The following GLDN variants were observed in gnomAD, a reference collection of about 807,000 sequenced individuals.
GLDN encodes collomin.
A neutral mutation model predicts 56.5 loss-of-function variants in GLDN; 47 were observed. The observed-to-expected ratio is 0.83, with a 90% CI of 0.66 to 1.06. The LOEUF is 1.06. Among genes scored for constraint, GLDN ranks in the 50% least tolerant of loss-of-function variants. The pLI is 0.00. For missense variants in GLDN, 782 were observed against 714.3 expected (o/e 1.09, Z -1.08); for synonymous variants, 332 against 278.8 (o/e 1.19, Z -1.90).
chr15:51,355,713 C>G (rs2445775), intron 1 of GLDN, among the ~76,000 whole-genome samples: 2 of 147,752 alleles, frequency 1.4e-5, no homozygotes, highest in Non-Finnish European at 3.0e-5. Context: ...TTAGTAGAGA[C>G]GGGGTTTCAC....
Position 51,404,890 on chromosome 15 carries a change from C to T in GLDN, c.*136C>T, listed in dbSNP as rs7168449. 2,035 of 651,318 alleles carry T rather than the reference C, an allele frequency of 3.1e-3. 22 individuals are homozygous for T. The African/African-American group carries it at 0.033, about 11-fold the overall frequency. 40.3% of individuals were successfully genotyped at this position (651,318 alleles called of 1,614,324 possible). A position where few individuals can be genotyped will look rare whatever the true frequency, so the allele number is the denominator to read the frequency against. On this transcript the variant is annotated 3_prime_UTR_variant, in exon 10 of 10. Coordinates refer to ENST00000335449, the MANE Select transcript of GLDN (RefSeq NM_181789.4). ...CAAAAGTGTTTATATGGTCAGTGAG[C>T]CCCGCTTAGTGAAATAGCAACAGAT...
chr15:51,404,245 C>T (rs1164239893), intron 9 of GLDN, 32 bp from the exon 10 acceptor site: 1 of 1,489,932 alleles, frequency 6.7e-7, no homozygotes, highest in East Asian at 2.3e-5. Context: ...AACGGTGATT[C>T]ATGTCTACTT....
rs748464480 is a variant in GLDN at position 51,341,856 on chromosome 15, G to A, written c.172G>A (p.Glu58Lys). Residue 58 changes from glutamate (E) to lysine (K), a missense_variant, in exon 1 of 10, where the codon GAG becomes AAG. By Grantham distance (56) the Glu-to-Lys change is moderately conservative (BLOSUM62 1). Coordinates refer to ENST00000335449, the MANE Select transcript of GLDN (RefSeq NM_181789.4). ...LRALEAQRGREQREDSALRSF... is the reference protein window; with the variant it reads ...LRALEAQRGRKQREDSALRSF... The stretch of plus-strand genomic sequence containing the variant: ...GGCTTTGGAGGCGCAGCGGGGCCGG[G>A]AGCAGCGCGAGGACAGTGCCCTGCG... 3.9e-6 allele frequency: 6 copies of A among 1,533,738 alleles called. No individual in the cohort carries two copies. In the South Asian group the frequency reaches 5.9e-5, roughly 15 times the overall value.
intron 1 of GLDN, among the ~76,000 whole-genome samples, chr15:51,347,153 G>T (rs770839764): frequency 1.1e-4 from 17 of 152,038 alleles, no homozygotes; most frequent in Non-Finnish European, 2.4e-4. Context: ...GTTCCTAAAA[G>T]TTGATTAAAA....
At chr15:51,348,449 C>G (rs2037018331) in intron 1 of GLDN, among the ~76,000 whole-genome samples, 1 of 152,102 alleles carries the variant, frequency 6.6e-6, no homozygotes, top group South Asian at 2.1e-4. Context: ...CCTCCTGCCT[C>G]AGCCTCCTGA....
At chr15:51,385,535 A>C (rs1259761345) in intron 4 of GLDN, 1 of 152,222 alleles carries the variant, frequency 6.6e-6, no homozygotes, top group African/African-American at 2.4e-5. Flanking sequence ...ACGGATAATA[A>C]ATAAGATAAA....
chr15:51,398,123 C>G (rs1465197583), intron 6 of GLDN, among the ~76,000 whole-genome samples: 1 of 152,206 alleles, frequency 6.6e-6, no homozygotes, highest in Non-Finnish European at 1.5e-5. Flanking sequence ...ACTGATACCC[C>G]AAAGAGCTAA....
At chr15:51,409,600 AT>A (rs2038444227), downstream of GLDN, among the ~76,000 whole-genome samples, 7 of 152,224 alleles carry the variant, frequency 4.6e-5, no homozygotes, top group Admixed American at 4.6e-4. Flanking sequence ...GTCTAGCAAC[AT>A]GGCATTGTCA....
intron 4 of GLDN, 116 bp downstream of exon 4, chr15:51,384,008 G>A (rs1178370147): frequency 3.6e-6 from 3 of 833,240 alleles, no homozygotes; most frequent in Non-Finnish European, 6.1e-6. Context: ...CACAGTTTAA[G>A]GCCGGTTTAA....
chr15:51,360,356 C>T (rs2037270177), intron 1 of GLDN: 1 of 152,270 alleles, frequency 6.6e-6, no homozygotes, highest in African/African-American at 2.4e-5. Flanking sequence ...AAAGGACTGC[C>T]CAAACAATAA....
chr15:51,412,128 A>C (rs902098870), downstream of GLDN, among the ~76,000 whole-genome samples: 1 of 152,230 alleles, frequency 6.6e-6, no homozygotes, highest in Non-Finnish European at 1.5e-5. Flanking sequence ...TGGGAAGCCT[A>C]TAAGGTATAG....
Position 51,341,989 on chromosome 15 carries a change from C to G in GLDN, c.305C>G (p.Pro102Arg). ...NKRSHSGEPA[P>R]HIRAESHDML... Reference sequence around the variant, plus strand: ...CGCAGCCACAGCGGCGAGCCCGCGCCGCATATCCGCGCCGAGAGCCATGAC... The same window carrying G: ...CGCAGCCACAGCGGCGAGCCCGCGCGGCATATCCGCGCCGAGAGCCATGAC... The change falls in exon 1 of 10, where the codon CCG becomes CGG. Residue 102 changes from proline (P) to arginine (R), a missense_variant. Transcript: ENST00000335449. The G allele has an allele frequency of 6.3e-7, 1 of 1,597,822 alleles. No individual in the cohort carries two copies. The highest frequency in any genetic ancestry group is 8.5e-7 in the Non-Finnish European group (1 of 1,179,524).
Position 51,397,473 on chromosome 15 carries a change from C to A in GLDN, c.692C>A (p.Ala231Asp). 1 of 1,519,842 alleles carries A rather than the reference C, an allele frequency of 6.6e-7. No homozygotes were observed. The highest frequency in any genetic ancestry group is 8.8e-7 in the Non-Finnish European group (1 of 1,129,962). 94.1% of individuals were successfully genotyped at this position (1,519,842 alleles called of 1,614,324 possible). Residue 231 changes from alanine to aspartate, a missense_variant, in exon 6 of 10, where the codon GCC becomes GAC. Physicochemically the swap from Ala to Asp is moderately radical, Grantham distance 126. Coordinates refer to ENST00000335449, the MANE Select transcript of GLDN (RefSeq NM_181789.4). ...CTTTCTCTCTCTCTCTCTCCAGGTG[C>A]CAAAGGTGACCAAGGCCCACCCGGT... ...DVSNDVLLAG[A>D]KGDQGPPGPP...
chr15:51,365,783 GTTC>G (rs149441311), intron 1 of GLDN, among the ~76,000 whole-genome samples: 5,865 of 152,148 alleles, frequency 0.039, 359 homozygotes, highest in African/African-American at 0.14. Flanking sequence ...TCATTCTTGG[GTTC>G]TTCTTCTGCT....
chr15:51,409,161 T>C (rs2141146787), downstream of GLDN, among the ~76,000 whole-genome samples: 1 of 151,028 alleles, frequency 6.6e-6, no homozygotes, highest in South Asian at 2.1e-4. Context: ...ACCAAGGACC[T>C]GGTAGATCAG....
intron 1 of GLDN, among the ~76,000 whole-genome samples, chr15:51,375,130 TAA>T (rs2037604086): frequency 6.6e-6 from 1 of 152,202 alleles, no homozygotes; most frequent in African/African-American, 2.4e-5. Flanking sequence ...AAATACAATA[TAA>T]GTTTTCCTCT....
At position 51,356,068 on chromosome 15, in the gene GLDN, G is replaced by A. The variant is rs190429812; in HGVS notation, c.363+14021G>A. 9.4e-3 allele frequency among the ~76,000 whole-genome samples: 1,422 copies of A among 151,724 alleles called. 27 individuals carry two copies. The highest frequency in any genetic ancestry group is 9.2e-3 in the Non-Finnish European group (624 of 67,882). On this transcript the variant is annotated intron_variant, in intron 1 of 9. Coordinates refer to ENST00000335449, the MANE Select transcript of GLDN (RefSeq NM_181789.4). ...TAAAAATACAAAAGATTAGCCGGGC[G>A]TGGTGGTGCGTGCCCGTGGTCCCAG...
intron 1 of GLDN, among the ~76,000 whole-genome samples, chr15:51,365,827 A>G (rs2037389627): frequency 6.6e-6 from 1 of 152,196 alleles, no homozygotes; most frequent in African/African-American, 2.4e-5. Flanking sequence ...TCCTACCTCA[A>G]GATCTCAAGA....
At chr15:51,347,689 C>T (rs781640006) in intron 1 of GLDN, among the ~76,000 whole-genome samples, 3 of 152,324 alleles carry the variant, frequency 2.0e-5, no homozygotes, top group Non-Finnish European at 4.4e-5. Flanking sequence ...ATTACAAATA[C>T]TCTTTGACCC....
Sources: gnomAD v4.1 joint callset for allele counts (sites outside exome capture counted in the v4.1 genomes callset) on GRCh38, gnomAD v4.1.1 for gene constraint, MANE v1.5 for transcripts, NCBI Gene and HGNC (gene_info 2026-07-23, HGNC 2026-07-21) for gene names.